RALGPS1: variants seen among roughly 807,000 people sequenced by gnomAD.
The protein encoded by RALGPS1 is Ral GEF with PH domain and SH3 binding motif 1.
A neutral mutation model predicts 78.8 loss-of-function variants in RALGPS1; 19 were observed. That is an observed-to-expected ratio of 0.24 (90% CI 0.17 to 0.35). The LOEUF (loss-of-function observed/expected upper bound fraction) is 0.35. RALGPS1 is among the 10% of genes least tolerant of loss of function. The probability of loss-of-function intolerance (pLI) is 1.00; values close to 1 mark genes in which losing one functional copy is unlikely to be tolerated. For synonymous variants in RALGPS1, 228 were observed against 256.3 expected, an observed-to-expected ratio of 0.89 and a Z score of 1.06; for missense variants, 454 against 688.3, an observed-to-expected ratio of 0.66 and a Z score of 3.81.
intron 4 of RALGPS1, among the ~76,000 whole-genome samples, chr9:126,982,305 A>G (rs2041318334): frequency 6.6e-6 from 1 of 152,220 alleles, no homozygotes; most frequent in Admixed American, 6.5e-5. Context: ...CAGTTAGTCT[A>G]ACTCCAGAAC....
chr9:127,162,102 G>A (rs1359200860), intron 8 of RALGPS1, among the ~76,000 whole-genome samples: 1 of 152,188 alleles, frequency 6.6e-6, no homozygotes, highest in Non-Finnish European at 1.5e-5. Flanking sequence ...GTTATTGTAT[G>A]AGTTAAATAA....
chr9:127,168,961 C>T (rs2059427454), intron 10 of RALGPS1, among the ~76,000 whole-genome samples, 189 bp downstream of exon 10: 1 of 152,246 alleles, frequency 6.6e-6, no homozygotes, highest in Non-Finnish European at 1.5e-5. Flanking sequence ...GATCTTTGAC[C>T]TCACAGCCCC....
chr9:126,919,593 A>G (rs1451069815), intron 1 of RALGPS1, among the ~76,000 whole-genome samples: 1 of 152,216 alleles, frequency 6.6e-6, no homozygotes, highest in African/African-American at 2.4e-5. Flanking sequence ...TAATGATAAT[A>G]GGATCTGTCT....
At chr9:127,089,490 C>T (rs955640542) in intron 8 of RALGPS1, among the ~76,000 whole-genome samples, 23 of 152,226 alleles carry the variant, frequency 1.5e-4, no homozygotes, top group African/African-American at 5.5e-4. Context: ...GCAAAGGAGG[C>T]CCCAAGGGAA....
intron 8 of RALGPS1, among the ~76,000 whole-genome samples, chr9:127,137,820 C>T (rs890260009): frequency 6.6e-6 from 1 of 152,138 alleles, no homozygotes; most frequent in Non-Finnish European, 1.5e-5. Flanking sequence ...GAGCAAGCAG[C>T]GTGTAGAGGC....
At chr9:127,176,856 C>T (rs2059909044) in intron 11 of RALGPS1, among the ~76,000 whole-genome samples, 1 of 152,182 alleles carries the variant, frequency 6.6e-6, no homozygotes, top group Non-Finnish European at 1.5e-5. Flanking sequence ...TCCCTAGTGG[C>T]TCTGTCCATC....
rs1363842323 is a variant in RALGPS1 at position 127,183,743 on chromosome 9, A to G, written c.910+8961A>G. 2.5e-6 allele frequency: 2 copies of G among 808,176 alleles called. No homozygotes were observed. Among genetic ancestry groups the G allele is most frequent in the Non-Finnish European group, 3.8e-6 (2 of 524,340 alleles). 50.1% of individuals were successfully genotyped at this position (808,176 alleles called of 1,614,324 possible). On this transcript the variant is annotated intron_variant, in intron 11 of 18. Transcript: ENST00000259351. The surrounding 1 kb of genome is among the most constrained non-coding windows in gnomAD (Gnocchi z 4.0). The stretch of plus-strand genomic sequence containing the variant: ...CATGTGCTCCTCTCTCTGGAAACAT[A>G]CTCTCTCTGCCCGTTTATATTTTCG...
At position 127,127,176 on chromosome 9, in the gene RALGPS1, C is replaced by T. The variant is rs527834906; in HGVS notation, c.611-38893C>T. 1.8e-3 allele frequency among the ~76,000 whole-genome samples: 281 copies of T among 152,346 alleles called. 4 individuals carry two copies. Among genetic ancestry groups the T allele is most frequent in the African/African-American group, 6.4e-3 (265 of 41,574 alleles). ...TAACTTTCCACCCTCAAAGTCCAACCTCTTTCCCATCTTCCCAGACAGTAG... is the reference window on the plus strand; with the variant it reads ...TAACTTTCCACCCTCAAAGTCCAACTTCTTTCCCATCTTCCCAGACAGTAG... On this transcript the variant is annotated intron_variant, in intron 8 of 18. Transcript: ENST00000259351.
rs117717534 is a variant in RALGPS1, at chr9:127,206,692, C to T, written c.1248-5439C>T. ...CTACTAAGACCAAGATTACCAAGGC[C>T]TCAACATAATTATTTTCTGGGGAGG... On this transcript the variant is annotated intron_variant, in intron 14 of 18. Transcript: ENST00000259351. 2.5e-4 allele frequency among the ~76,000 whole-genome samples: 38 copies of T among 152,232 alleles called. No homozygotes were observed. The East Asian group carries it at 7.0e-3, about 28-fold the overall frequency.
Position 127,183,976 on chromosome 9 carries a change from A to T in RALGPS1, c.910+9194A>T. The T allele has an allele frequency of 1.3e-6, 2 of 1,550,248 alleles. No homozygotes were observed. The highest frequency in any genetic ancestry group is 1.7e-6 in the Non-Finnish European group (2 of 1,146,916). On this transcript the variant is annotated intron_variant, in intron 11 of 18. Coordinates refer to ENST00000259351, the MANE Select transcript of RALGPS1 (RefSeq NM_014636.3). The surrounding 1 kb of genome is among the most constrained non-coding windows in gnomAD (Gnocchi z 4.0). The stretch of plus-strand genomic sequence containing the variant: ...TGTGGCCCAGCTCCTCACGAGTACC[A>T]GCGGCTCCCCCAGCATCTGCTGCTC...
chr9:127,034,968 A>T (rs1340070937), intron 5 of RALGPS1, among the ~76,000 whole-genome samples: 1 of 151,958 alleles, frequency 6.6e-6, no homozygotes, highest in African/African-American at 2.4e-5. Flanking sequence ...CTCAGCCTAA[A>T]TGTCATTTCT....
At chr9:127,108,761 T>C (rs1477596808) in intron 8 of RALGPS1, 1 of 1,573,118 alleles carries the variant, frequency 6.4e-7, no homozygotes, top group Admixed American at 1.7e-5. Context: ...TTATTCTTTG[T>C]GAATAGAATC....
At chr9:127,006,490 G>T (rs1317292086) in intron 4 of RALGPS1, among the ~76,000 whole-genome samples, 1 of 152,098 alleles carries the variant, frequency 6.6e-6, no homozygotes, top group Non-Finnish European at 1.5e-5. Flanking sequence ...TTTAGAAAAG[G>T]CAGGTTGACC....
At chr9:126,940,663 G>A (rs1025478810) in intron 1 of RALGPS1, among the ~76,000 whole-genome samples, 7 of 151,996 alleles carry the variant, frequency 4.6e-5, no homozygotes, top group African/African-American at 1.2e-4. Context: ...GGACGGTCTC[G>A]ATCTCCTGAC....
intron 4 of RALGPS1, among the ~76,000 whole-genome samples, chr9:126,994,314 C>T (rs2042538490): frequency 6.6e-6 from 1 of 152,208 alleles, no homozygotes; most frequent in East Asian, 1.9e-4. Flanking sequence ...ACTAGAATAA[C>T]CAATGCAGAG....
At position 127,212,259 on chromosome 9, in the gene RALGPS1, CG is replaced by C. The variant is rs1318578540; in HGVS notation, c.1353+27del. The C allele has an allele frequency of 3.8e-6, 6 of 1,568,564 alleles. No individual in the cohort carries two copies. The highest frequency in any genetic ancestry group is 5.2e-6 in the Non-Finnish European group (6 of 1,147,460). On this transcript the variant is annotated intron_variant, in intron 15 of 18. Coordinates refer to ENST00000259351, the MANE Select transcript of RALGPS1 (RefSeq NM_014636.3). This position sits in a 1 kb window ranked among gnomAD's most constrained non-coding sequence, Gnocchi z 6.0. ...GCGGTAAGTACAGACCCACATCCACCGGGGCAGCAGGGGCTTCCACATCTGT... is the reference window on the plus strand; with the variant it reads ...GCGGTAAGTACAGACCCACATCCACCGGGCAGCAGGGGCTTCCACATCTGT...
chr9:126,999,908 G>C (rs1043568205), intron 4 of RALGPS1, among the ~76,000 whole-genome samples: 3 of 152,176 alleles, frequency 2.0e-5, no homozygotes, highest in African/African-American at 7.2e-5. Context: ...TAACTATTCA[G>C]TTTATCTGTT....
At chr9:126,960,219 CCCTT>C (rs774671672) in intron 1 of RALGPS1, among the ~76,000 whole-genome samples, 9 of 85,784 alleles carry the variant, frequency 1.0e-4, no homozygotes, top group East Asian at 4.0e-4. Context: ...CTCCCTCCCT[CCCTT>C]CCTTCCTTCC....
chr9:127,164,025 ATGAG>A (rs1231897751), intron 8 of RALGPS1, among the ~76,000 whole-genome samples: 1 of 152,008 alleles, frequency 6.6e-6, no homozygotes, highest in Non-Finnish European at 1.5e-5. Flanking sequence ...TAAGAGTTAT[ATGAG>A]TGTGTGTGTG....
Sources: allele counts gnomAD v4.1 joint callset (sites outside exome capture counted in the v4.1 genomes callset), GRCh38; gene constraint gnomAD v4.1.1; non-coding constraint Gnocchi (gnomAD v3.1); transcripts MANE v1.5; gene names NCBI Gene and HGNC (gene_info 2026-07-23, HGNC 2026-07-21).